The following MAP2K6 variants were observed in gnomAD, a reference collection of about 807,000 sequenced individuals.
MAP2K6 encodes the protein mitogen-activated protein kinase kinase 6, also known as dual specificity mitogen-activated protein kinase kinase 6.
Under a neutral mutation model 53.7 loss-of-function variants are expected in MAP2K6, and 16 were observed. The ratio of observed to expected loss-of-function variants is 0.30; its 90% CI spans 0.20 to 0.45. The LOEUF (loss-of-function observed/expected upper bound fraction) is 0.45. MAP2K6 is among the 20% of genes least tolerant of loss of function. MAP2K6 has a pLI of 1.00. For missense variants in MAP2K6, 204 were observed against 411.9 expected, an observed-to-expected ratio of 0.50 and a Z score of 4.37; for synonymous variants, 132 against 143.1, an observed-to-expected ratio of 0.92 and a Z score of 0.55.
chr17:69,477,280 T>A (rs1465573930), intron 1 of MAP2K6: 2 of 152,206 alleles, frequency 1.3e-5, no homozygotes, highest in African/African-American at 4.8e-5. Flanking sequence ...TCTAGGAGAC[T>A]CATGAAATTT....
In MAP2K6 at chr17:69,464,960, C is replaced by T. The variant is rs1033598553; in HGVS notation, c.17-40820C>T. On this transcript the variant is annotated intron_variant, in intron 1 of 11. Transcript: ENST00000590474. ...CGAACTCCTGACCTTGTGATCCCTC[C>T]GCCTCGGCCTCCCGAAGTGCTGGGA... Among the ~76,000 whole-genome samples, 21 of 152,204 alleles carry T rather than the reference C, an allele frequency of 1.4e-4. No individual in the cohort carries two copies. The Middle Eastern group carries it at 0.01, about 74-fold the overall frequency.
At chr17:69,493,770 G>GAA (rs202096268) in intron 1 of MAP2K6, among the ~76,000 whole-genome samples, 34 of 91,342 alleles carry the variant, frequency 3.7e-4, no homozygotes, top group African/African-American at 6.2e-4. Flanking sequence ...CAAGAAAAAA[G>GAA]AAAAAAAAAA....
rs1912045305 is a variant in MAP2K6 at position 69,550,365 on chromosome 17, G to A, written c.*8612G>A. On this transcript the variant is annotated 3_prime_UTR_variant, in exon 12 of 12. Transcript: ENST00000590474. ...CCTTAACCTTTTGTTCCAGAGGGCA[G>A]ACATTTTTAAGAAAGGTGAATGTTA... 1 of 152,202 alleles carries A rather than the reference G, an allele frequency of 6.6e-6. No individual in the cohort carries two copies. Among genetic ancestry groups the A allele is most frequent in the South Asian group, 2.1e-4 (1 of 4,838 alleles). 9.4% of individuals were successfully genotyped at this position (152,202 alleles called of 1,614,324 possible). A position where few individuals can be genotyped will look rare whatever the true frequency, so the allele number is the denominator to read the frequency against.
At chr17:69,437,700 A>C (rs374630488) in intron 1 of MAP2K6, among the ~76,000 whole-genome samples, 5 of 152,348 alleles carry the variant, frequency 3.3e-5, no homozygotes, top group African/African-American at 1.2e-4. Context: ...TCATCATCAC[A>C]GAAGGAAGCC....
At chr17:69,475,321 A>G (rs1908113703) in intron 1 of MAP2K6, among the ~76,000 whole-genome samples, 2 of 147,310 alleles carry the variant, frequency 1.4e-5, no homozygotes, top group Admixed American at 6.8e-5. Flanking sequence ...GGCGCCCGCC[A>G]ACACGCCCGG....
chr17:69,506,843 T>C (rs984708818), intron 2 of MAP2K6, among the ~76,000 whole-genome samples: 2 of 152,252 alleles, frequency 1.3e-5, no homozygotes, highest in Non-Finnish European at 2.9e-5. Context: ...TTCAGGGTTC[T>C]GGACTGTAGC....
chr17:69,540,735 T>G (rs904624234), intron 11 of MAP2K6, among the ~76,000 whole-genome samples: 1 of 152,218 alleles, frequency 6.6e-6, no homozygotes, highest in African/African-American at 2.4e-5. Flanking sequence ...ATCTTTAATC[T>G]CCGAGTTCAG....
Position 69,520,543 on chromosome 17 carries a change from T to C in MAP2K6, c.483+157T>C, listed in dbSNP as rs568763166. 3.8e-5 allele frequency: 23 copies of C among 608,970 alleles called. No homozygotes were observed. In the African/African-American group the frequency reaches 4.3e-4, roughly 11 times the overall value. 37.7% of individuals were successfully genotyped at this position (608,970 alleles called of 1,614,324 possible). On this transcript the variant is annotated intron_variant, in intron 6 of 11. Coordinates refer to ENST00000590474, the MANE Select transcript of MAP2K6 (RefSeq NM_002758.4). ...GTGGATGGATAAATACATGCTTTCCTTTCTGAGCACTGTGTAGAAGATTCT... is the reference window on the plus strand; with the variant it reads ...GTGGATGGATAAATACATGCTTTCCCTTCTGAGCACTGTGTAGAAGATTCT...
At chr17:69,466,068 T>G (rs1907789204) in intron 1 of MAP2K6, among the ~76,000 whole-genome samples, 1 of 148,386 alleles carries the variant, frequency 6.7e-6, no homozygotes, top group Non-Finnish European at 1.5e-5. Flanking sequence ...AGGCCAATAG[T>G]TCAAGACCAG....
chr17:69,451,141 T>C (rs960412152), intron 1 of MAP2K6, among the ~76,000 whole-genome samples: 2 of 152,176 alleles, frequency 1.3e-5, no homozygotes, highest in Non-Finnish European at 2.9e-5. Context: ...AGGCAAACAA[T>C]TAGAGTTAAC....
intron 4 of MAP2K6, among the ~76,000 whole-genome samples, chr17:69,518,448 C>A (rs1484335619): frequency 6.6e-6 from 1 of 152,050 alleles, no homozygotes; most frequent in Non-Finnish European, 1.5e-5. Context: ...AAATTGTCTC[C>A]ATTTGTGGAA....
chr17:69,500,354 A>G (rs1372549251), intron 1 of MAP2K6, among the ~76,000 whole-genome samples: 1 of 148,018 alleles, frequency 6.8e-6, no homozygotes, highest in Non-Finnish European at 1.5e-5. Flanking sequence ...GCTGAGGGCC[A>G]TGAGAATTGC....
At chr17:69,510,248 G>C (rs1305436514) in intron 2 of MAP2K6, among the ~76,000 whole-genome samples, 1 of 152,152 alleles carries the variant, frequency 6.6e-6, no homozygotes. Context: ...TCGATATGTA[G>C]ATTATGTTGA....
intron 1 of MAP2K6, among the ~76,000 whole-genome samples, chr17:69,470,336 G>A (rs562083042): frequency 1.1e-4 from 17 of 152,286 alleles, no homozygotes; most frequent in African/African-American, 3.6e-4. Context: ...TTACTGATAA[G>A]AATAAACCAG....
intron 11 of MAP2K6, among the ~76,000 whole-genome samples, chr17:69,539,184 G>T (rs1911495525): frequency 6.6e-6 from 1 of 152,186 alleles, no homozygotes; most frequent in Admixed American, 6.5e-5. Flanking sequence ...AGTCTTAAGG[G>T]ATGAGGTGCT....
At chr17:69,493,779 A>AT (rs1275361325) in intron 1 of MAP2K6, among the ~76,000 whole-genome samples, 101 of 105,372 alleles carry the variant, frequency 9.6e-4, no homozygotes, top group Admixed American at 1.7e-3. Flanking sequence ...AGAAAAAAAA[A>AT]AATATATGTA....
intron 2 of MAP2K6, among the ~76,000 whole-genome samples, chr17:69,506,345 G>A (rs568235935): frequency 6.6e-6 from 1 of 151,770 alleles, no homozygotes; most frequent in Admixed American, 6.6e-5. Context: ...CCCTAAGTCA[G>A]CTCAAGTCCT....
intron 4 of MAP2K6, among the ~76,000 whole-genome samples, chr17:69,518,273 CA>C (rs1353499322): frequency 1.3e-5 from 2 of 152,086 alleles, no homozygotes; most frequent in East Asian, 3.8e-4. Flanking sequence ...TTGATCATCT[CA>C]AAGTGTGTGT....
At chr17:69,498,001 TGCTTGTATTGCACATCACACATACCC>T (rs72083748) in intron 1 of MAP2K6, among the ~76,000 whole-genome samples, 62,233 of 151,926 alleles carry the variant, frequency 0.41, 13,083 homozygotes, top group East Asian at 0.52. Flanking sequence ...CAGGGTGCAA[TGCTTGTATTGCACATCACACATACCC>T]GCTGTTATTA....
Sources: gnomAD v4.1 joint callset for allele counts (sites outside exome capture counted in the v4.1 genomes callset) on GRCh38, gnomAD v4.1.1 for gene constraint, MANE v1.5 for transcripts, NCBI Gene and HGNC (gene_info 2026-07-23, HGNC 2026-07-21) for gene names.